PCDH15: variants seen among roughly 807,000 people sequenced by gnomAD.
PCDH15 encodes the protein protocadherin-15.
Under a neutral mutation model 178.5 loss-of-function variants are expected in PCDH15, and 129 were observed. The observed-to-expected ratio is 0.72, with a 90% confidence interval of 0.63 to 0.84. The LOEUF (loss-of-function observed/expected upper bound fraction) is 0.84. PCDH15 is among the 40% of genes least tolerant of loss of function. PCDH15 has a pLI of 0.00. For missense variants in PCDH15, 2,230 were observed against 2,099.9 expected, an observed-to-expected ratio of 1.06 and a Z score of -1.21; for synonymous variants, 800 against 732.0, an observed-to-expected ratio of 1.09 and a Z score of -1.50.
At chr10:54,032,575 T>A (rs957035502) in intron 18 of PCDH15, among the ~76,000 whole-genome samples, 8 of 152,044 alleles carry the variant, frequency 5.3e-5, no homozygotes, top group African/African-American at 1.9e-4. Context: ...TATTTATAAT[T>A]TTGTCTTAAA....
chr10:54,093,086 ATATT>A (rs3067465), intron 15 of PCDH15, among the ~76,000 whole-genome samples: 84,725 of 151,272 alleles, frequency 0.56, 24,694 homozygotes, highest in Middle Eastern at 0.66. Context: ...CACTGTATTT[ATATT>A]TATTATTTTT....
At chr10:54,285,988 T>C (rs573961195) in intron 8 of PCDH15, among the ~76,000 whole-genome samples, 18 of 152,102 alleles carry the variant, frequency 1.2e-4, no homozygotes, top group Admixed American at 2.0e-4. Flanking sequence ...CACATGGAAT[T>C]TAAAAGAGCT....
intron 3 of PCDH15, among the ~76,000 whole-genome samples, chr10:54,871,587 C>A (rs555688167): frequency 4.6e-5 from 7 of 152,056 alleles, no homozygotes; most frequent in African/African-American, 1.7e-4. Context: ...ATACAAAAGT[C>A]ATATTCCATA....
chr10:55,383,187 C>T (rs1837578005), intron 2 of PCDH15, among the ~76,000 whole-genome samples: 1 of 151,998 alleles, frequency 6.6e-6, no homozygotes, highest in Non-Finnish European at 1.5e-5. Context: ...TTCCTGAAGC[C>T]CAGCTGTCTC....
At chr10:54,162,239 C>G (rs1343299271) in intron 13 of PCDH15, among the ~76,000 whole-genome samples, 1 of 152,060 alleles carries the variant, frequency 6.6e-6, no homozygotes, top group East Asian at 1.9e-4. Context: ...TTATTTGTTT[C>G]TTTCTTTCTC....
intron 2 of PCDH15, among the ~76,000 whole-genome samples, chr10:54,943,517 T>A (rs1838113678): frequency 6.6e-6 from 1 of 152,000 alleles, no homozygotes; most frequent in Admixed American, 6.6e-5. Context: ...TGAAAACATA[T>A]GGTTCTTATG....
At chr10:55,054,709 T>G (rs1841253603) in intron 2 of PCDH15, among the ~76,000 whole-genome samples, 1 of 152,226 alleles carries the variant, frequency 6.6e-6, no homozygotes, top group Non-Finnish European at 1.5e-5. Flanking sequence ...ATAGCCATTC[T>G]GACTGGTGTT....
chr10:54,496,085 A>G (rs1312094106), intron 3 of PCDH15, among the ~76,000 whole-genome samples: 1 of 152,150 alleles, frequency 6.6e-6, no homozygotes, highest in African/African-American at 2.4e-5. Context: ...TATCCTTGGA[A>G]AGATGTTTGC....
chr10:54,652,220 T>C (rs1402324280), intron 2 of PCDH15, among the ~76,000 whole-genome samples: 4 of 152,046 alleles, frequency 2.6e-5, no homozygotes, highest in African/African-American at 9.7e-5. Context: ...CTTTCCCTCC[T>C]CTTTCTTTGA....
intron 8 of PCDH15, among the ~76,000 whole-genome samples, chr10:54,289,563 A>G (rs759158799): frequency 2.6e-5 from 4 of 152,212 alleles, no homozygotes; most frequent in Non-Finnish European, 5.9e-5. Context: ...AGTTGACAGA[A>G]GTAGGCTTCA....
intron 2 of PCDH15, among the ~76,000 whole-genome samples, chr10:54,569,498 A>G (rs1262894981): frequency 6.6e-6 from 1 of 152,188 alleles, no homozygotes; most frequent in Non-Finnish European, 1.5e-5. Flanking sequence ...AAAAGTCATT[A>G]CTACGTTAAT....
chr10:54,491,000 T>C (rs570070911), intron 3 of PCDH15, among the ~76,000 whole-genome samples: 3 of 152,264 alleles, frequency 2.0e-5, no homozygotes, highest in Admixed American at 1.3e-4. Flanking sequence ...CAGGGATATT[T>C]CCTTAGTGAC....
At chr10:53,922,174 G>A (rs1399163195) in intron 25 of PCDH15, among the ~76,000 whole-genome samples, 1 of 151,916 alleles carries the variant, frequency 6.6e-6, no homozygotes, top group Non-Finnish European at 1.5e-5. Context: ...ACAATCCCTG[G>A]TAATACAGAG....
At chr10:54,600,787 T>C (rs1565709733) in intron 2 of PCDH15, 1 of 428,812 alleles carries the variant, frequency 2.3e-6, no homozygotes, top group Non-Finnish European at 4.4e-6. Flanking sequence ...CTCCAGACAT[T>C]GTATTTTACT....
intron 18 of PCDH15, among the ~76,000 whole-genome samples, chr10:54,037,582 GA>G (rs2093445251): frequency 6.6e-6 from 1 of 151,898 alleles, no homozygotes; most frequent in African/African-American, 2.4e-5. Flanking sequence ...ATACTTAATG[GA>G]GTATAGTATA....
intron 1 of PCDH15, among the ~76,000 whole-genome samples, chr10:54,701,839 A>G (rs1157674808): frequency 2.0e-5 from 3 of 152,028 alleles, no homozygotes; most frequent in African/African-American, 7.2e-5. Context: ...GACTTAGATA[A>G]CCACACACCA....
chr10:55,024,646 A>G (rs1840430510), intron 2 of PCDH15, among the ~76,000 whole-genome samples: 1 of 152,040 alleles, frequency 6.6e-6, no homozygotes, highest in African/African-American at 2.4e-5. Flanking sequence ...CATCTCAAGA[A>G]ACTGCATTAT....
intron 3 of PCDH15, among the ~76,000 whole-genome samples, chr10:54,515,125 G>A (rs892192815): frequency 7.9e-5 from 12 of 152,306 alleles, no homozygotes; most frequent in Admixed American, 1.3e-4. Flanking sequence ...CAGACAGTGG[G>A]TGCAGGACAG....
intron 34 of PCDH15, 116 bp from the exon 35 acceptor site, chr10:53,816,393 A>T (rs1588900978): frequency 2.5e-6 from 1 of 394,178 alleles, no homozygotes. Flanking sequence ...TTTCCTTGGG[A>T]TTATTCATTA....
Sources: gnomAD v4.1 joint callset for allele counts (sites outside exome capture counted in the v4.1 genomes callset) on GRCh38, gnomAD v4.1.1 for gene constraint, MANE v1.5 for transcripts, NCBI Gene and HGNC (gene_info 2026-07-23, HGNC 2026-07-21) for gene names.